COL25A1: variants seen among roughly 807,000 people sequenced by gnomAD.
COL25A1 encodes the protein collagen type XXV alpha 1 chain.
Under a neutral mutation model 128.4 loss-of-function variants are expected in COL25A1, and 103 were observed. That is an observed-to-expected ratio of 0.80 (90% CI 0.68 to 0.94). The LOEUF (loss-of-function observed/expected upper bound fraction) is 0.94. Among genes scored for constraint, COL25A1 ranks in the 40% least tolerant of loss-of-function variants. The probability of loss-of-function intolerance (pLI) is 0.00; values close to 1 mark genes in which losing one functional copy is unlikely to be tolerated. For missense variants in COL25A1, 745 were observed against 840.0 expected (o/e 0.89, Z 1.40); for synonymous variants, 279 against 277.2 (o/e 1.01, Z -0.06).
intron 8 of COL25A1, among the ~76,000 whole-genome samples, chr4:108,968,183 T>C (rs1037216443): frequency 1.3e-5 from 2 of 152,170 alleles, no homozygotes; most frequent in African/African-American, 4.8e-5. Flanking sequence ...TTTGTGGTTA[T>C]TATATTACAC....
chr4:109,152,873 G>A (rs2526441), intron 3 of COL25A1, among the ~76,000 whole-genome samples: 402 of 152,158 alleles, frequency 2.6e-3, no homozygotes, highest in African/African-American at 9.0e-3. Flanking sequence ...GAAAGGAATC[G>A]GGGGAGTACT....
At chr4:109,220,169 ATC>A (rs1778312337) in intron 3 of COL25A1, among the ~76,000 whole-genome samples, 1 of 152,084 alleles carries the variant, frequency 6.6e-6, no homozygotes, top group African/African-American at 2.4e-5. Flanking sequence ...CTATGAGAAA[ATC>A]TCTGTTTTCT....
intron 5 of COL25A1, among the ~76,000 whole-genome samples, chr4:109,042,447 A>G (rs1760007919): frequency 1.3e-5 from 2 of 151,938 alleles, no homozygotes; most frequent in South Asian, 4.1e-4. Flanking sequence ...TCTACCCCCA[A>G]ACAGCCTTTC....
chr4:109,276,508 G>T (rs1722865769), intron 3 of COL25A1, among the ~76,000 whole-genome samples: 1 of 152,056 alleles, frequency 6.6e-6, no homozygotes, highest in African/African-American at 2.4e-5. Flanking sequence ...AATTCTTTGG[G>T]GGGAAATCTT....
At position 108,810,068 on chromosome 4, in the gene COL25A1, G is replaced by A. The variant is rs1730671942; in HGVS notation, c.*3859C>T. Reference sequence around the variant, plus strand: ...ATATTAGCATCTGTATGTTGCTTATGATCACTTATTAGAAGATGTTAAAAC... The same window carrying A: ...ATATTAGCATCTGTATGTTGCTTATAATCACTTATTAGAAGATGTTAAAAC... On this transcript the variant is annotated 3_prime_UTR_variant, in exon 38 of 38. Coordinates refer to ENST00000399132, the MANE Select transcript of COL25A1 (RefSeq NM_198721.4). The A allele has an allele frequency of 6.6e-6, 1 of 151,774 alleles. No homozygotes were observed. Among genetic ancestry groups the A allele is most frequent in the Admixed American group, 6.6e-5 (1 of 15,252 alleles). The allele number at this position is 151,774 out of a possible 1,614,324, so 9.4% of individuals were successfully genotyped here.
At chr4:108,814,805 T>TATAA (rs146959967) in intron 37 of COL25A1, among the ~76,000 whole-genome samples, 4,101 of 152,270 alleles carry the variant, frequency 0.027, 184 homozygotes, top group African/African-American at 0.091. Context: ...GTGGCAGTCG[T>TATAA]ATAAATCACT....
At chr4:108,928,664 C>T (rs1013653213) in intron 11 of COL25A1, among the ~76,000 whole-genome samples, 2 of 151,904 alleles carry the variant, frequency 1.3e-5, no homozygotes, top group Admixed American at 1.3e-4. Context: ...TGTCTCAGCC[C>T]CATAAGTAGC....
At chr4:108,837,419 A>G (rs181029748) in intron 31 of COL25A1, among the ~76,000 whole-genome samples, 17 of 152,354 alleles carry the variant, frequency 1.1e-4, no homozygotes, top group Non-Finnish European at 2.1e-4. Context: ...ACAATTTAAA[A>G]AAATCTCCAT....
chr4:108,985,691 A>G (rs1279352947), intron 6 of COL25A1, among the ~76,000 whole-genome samples: 2 of 152,202 alleles, frequency 1.3e-5, no homozygotes, highest in Non-Finnish European at 2.9e-5. Flanking sequence ...TTTTGGGAAG[A>G]TGGGGTTGAC....
intron 16 of COL25A1, among the ~76,000 whole-genome samples, chr4:108,895,899 A>T (rs1742064128): frequency 6.6e-6 from 1 of 151,124 alleles, no homozygotes; most frequent in Non-Finnish European, 1.5e-5. Flanking sequence ...CCAAGTCCCC[A>T]AAGTCCATTA....
At chr4:109,061,255 A>C (rs1419508022) in intron 3 of COL25A1, among the ~76,000 whole-genome samples, 1 of 152,084 alleles carries the variant, frequency 6.6e-6, no homozygotes, top group Non-Finnish European at 1.5e-5. Flanking sequence ...TATTTGGCTC[A>C]TTTTTCTCCT....
intron 3 of COL25A1, among the ~76,000 whole-genome samples, chr4:109,064,435 T>C (rs751798353): frequency 2.0e-5 from 3 of 152,222 alleles, no homozygotes; most frequent in Non-Finnish European, 4.4e-5. Flanking sequence ...AAGTTGATGT[T>C]AATATTACAG....
intron 3 of COL25A1, among the ~76,000 whole-genome samples, chr4:109,235,735 C>T (rs1560909705): frequency 6.6e-6 from 1 of 152,032 alleles, no homozygotes. Context: ...CAGCAAGGTG[C>T]AGGTAAAACT....
At chr4:109,010,701 T>G (rs1553998788) in intron 5 of COL25A1, among the ~76,000 whole-genome samples, 1 of 152,178 alleles carries the variant, frequency 6.6e-6, no homozygotes, top group Non-Finnish European at 1.5e-5. Flanking sequence ...AGGGGTTACT[T>G]AAAGAAAGAG....
At chr4:108,944,215 G>A (rs1211079722) in intron 8 of COL25A1, among the ~76,000 whole-genome samples, 1 of 152,114 alleles carries the variant, frequency 6.6e-6, no homozygotes, top group Non-Finnish European at 1.5e-5. Flanking sequence ...GTTTTGAGGT[G>A]ACCTATGTCC....
At chr4:108,952,634 G>A (rs1749570117) in intron 8 of COL25A1, among the ~76,000 whole-genome samples, 1 of 151,910 alleles carries the variant, frequency 6.6e-6, no homozygotes, top group Admixed American at 6.6e-5. Flanking sequence ...TAAAACCCAG[G>A]GTGCTCTTCA....
intron 3 of COL25A1, among the ~76,000 whole-genome samples, chr4:109,192,260 G>A (rs929391096): frequency 2.6e-5 from 4 of 152,200 alleles, no homozygotes; most frequent in Middle Eastern, 3.4e-3. Flanking sequence ...AAAAGATCTC[G>A]GCATTAAAGA....
At chr4:109,195,101 C>A (rs1191197404) in intron 3 of COL25A1, among the ~76,000 whole-genome samples, 1 of 151,942 alleles carries the variant, frequency 6.6e-6, no homozygotes, top group African/African-American at 2.4e-5. Flanking sequence ...TCCTAGGTAC[C>A]CACAAAAATT....
intron 3 of COL25A1, among the ~76,000 whole-genome samples, chr4:109,240,697 A>T (rs979439204): frequency 2.6e-5 from 4 of 152,050 alleles, no homozygotes; most frequent in Admixed American, 2.6e-4. Context: ...GACCCCACTG[A>T]CAGAAAGACC....
Sources: gnomAD v4.1 joint callset for allele counts (sites outside exome capture counted in the v4.1 genomes callset) on GRCh38, gnomAD v4.1.1 for gene constraint, MANE v1.5 for transcripts, NCBI Gene and HGNC (gene_info 2026-07-23, HGNC 2026-07-21) for gene names.